Variants in PRIM1 observed in about 807,000 individuals in gnomAD.
PRIM1 encodes DNA primase small subunit.
A neutral mutation model predicts 60.2 loss-of-function variants in PRIM1; 38 were observed. The ratio of observed to expected loss-of-function variants is 0.63; its 90% CI spans 0.49 to 0.83. The LOEUF (loss-of-function observed/expected upper bound fraction) is 0.83. PRIM1 is among the 40% of genes least tolerant of loss of function. The pLI, the probability that PRIM1 is intolerant of heterozygous loss-of-function variation, is 0.00. For synonymous variants in PRIM1, 158 were observed against 160.2 expected (o/e 0.99, Z 0.10); for missense variants, 388 against 506.2 (o/e 0.77, Z 2.24).
chr12:56,743,300 C>A (rs1420808335), intron 6 of PRIM1, among the ~76,000 whole-genome samples: 1 of 152,132 alleles, frequency 6.6e-6, no homozygotes, highest in Non-Finnish European at 1.5e-5. Context: ...GACATAGAAC[C>A]TGGCACAGAA....
At position 56,744,137 on chromosome 12, in the gene PRIM1, C is replaced by A. The variant is rs1378032343; in HGVS notation, c.580-14G>T. ...GTCTTGACCACCCTGAAAAATAAAT[C>A]ATTAAAAAAGAACTTCAGGTATACA... On this transcript the variant is annotated splice_polypyrimidine_tract_variant and intron_variant, in intron 5 of 12. Transcript: ENST00000338193. 1.3e-6 allele frequency: 2 copies of A among 1,531,532 alleles called. No individual in the cohort carries two copies. Among genetic ancestry groups the A allele is most frequent in the South Asian group, 1.2e-5 (1 of 83,806 alleles). The allele number at this position is 1,531,532 out of a possible 1,614,324, so 94.9% of individuals were successfully genotyped here.
chr12:56,742,510 A>G (rs1429732135), intron 7 of PRIM1, among the ~76,000 whole-genome samples: 1 of 151,944 alleles, frequency 6.6e-6, no homozygotes, highest in Non-Finnish European at 1.5e-5. Context: ...CGGAGGTTGC[A>G]GTAAGCCAAG....
At chr12:56,747,211 T>C (rs181875793) in intron 2 of PRIM1, among the ~76,000 whole-genome samples, 179 bp from the exon 3 acceptor site, 1 of 152,326 alleles carries the variant, frequency 6.6e-6, no homozygotes, top group East Asian at 1.9e-4. Context: ...ATGAGAGTCT[T>C]AACTTTCACC....
intron 9 of PRIM1, among the ~76,000 whole-genome samples, chr12:56,740,697 C>T (rs1014616247): frequency 5.3e-5 from 8 of 152,214 alleles, no homozygotes; most frequent in Admixed American, 6.5e-5. Context: ...TTGAGCCGAT[C>T]GGTGAGCCGA....
chr12:56,745,463 A>G (rs1272679314), intron 5 of PRIM1, among the ~76,000 whole-genome samples: 1 of 151,810 alleles, frequency 6.6e-6, no homozygotes, highest in East Asian at 1.9e-4. Flanking sequence ...CAAAACCAAA[A>G]CCAAACTTTA....
intron 12 of PRIM1, 127 bp downstream of exon 12, chr12:56,734,020 A>T (rs1953804240): frequency 1.6e-6 from 1 of 616,574 alleles, no homozygotes; most frequent in Non-Finnish European, 2.8e-6. Flanking sequence ...TTTCCAAAAC[A>T]TTAAGGATAG....
chr12:56,742,426 G>A lies in PRIM1; in HGVS notation c.748+561C>T, dbSNP rs1953879114. ...CTCTATAAAAACACAAAAATTAGCT[G>A]GGCGTGGTGGCGTGTGCCTGCAGTC... On this transcript the variant is annotated intron_variant, in intron 7 of 12. Transcript: ENST00000338193. Among the ~76,000 whole-genome samples, 3 of 152,168 alleles carry A rather than the reference G, an allele frequency of 2.0e-5. No homozygotes were observed. The South Asian group carries it at 6.2e-4, about 32-fold the overall frequency.
intron 7 of PRIM1, 110 bp from the exon 8 acceptor site, chr12:56,741,947 A>G (rs1040419140): frequency 5.7e-6 from 6 of 1,060,238 alleles, no homozygotes; most frequent in Admixed American, 3.7e-5. Context: ...AGTAGTTATT[A>G]ACATTTCTTG....
At position 56,733,454 on chromosome 12, in the gene PRIM1, C is replaced by A. The variant is rs145002377; in HGVS notation, c.1243+693G>T. 2.7e-5 allele frequency among the ~76,000 whole-genome samples: 4 copies of A among 148,152 alleles called. No individual in the cohort carries two copies. In the East Asian group the frequency reaches 5.9e-4, roughly 22 times the overall value. On this transcript the variant is annotated intron_variant, in intron 12 of 12. Coordinates refer to ENST00000338193, the MANE Select transcript of PRIM1 (RefSeq NM_000946.3). ...GATTACAGGTGTGAGCCACTGCACC[C>A]GGCTAGGGATTAGAATTCTTACAGC...
At chr12:56,743,236 A>C (rs1953884453) in intron 6 of PRIM1, 140 bp from the exon 7 acceptor site, 1 of 1,004,462 alleles carries the variant, frequency 1.0e-6, no homozygotes, top group African/African-American at 1.7e-5. Flanking sequence ...TGGGAATACT[A>C]CCCTGTGCAG....
intron 2 of PRIM1, among the ~76,000 whole-genome samples, chr12:56,747,858 A>G (rs978783572): frequency 1.3e-5 from 2 of 152,156 alleles, no homozygotes; most frequent in African/African-American, 4.8e-5. Context: ...CAGTAAGGAA[A>G]GATAAGAGGC....
At chr12:56,735,107 G>C (rs924247647) in intron 11 of PRIM1, among the ~76,000 whole-genome samples, 1 of 151,036 alleles carries the variant, frequency 6.6e-6, no homozygotes, top group African/African-American at 2.4e-5. Flanking sequence ...CACCGCGCCC[G>C]GTCCATGCCT....
intron 11 of PRIM1, among the ~76,000 whole-genome samples, chr12:56,737,901 A>G (rs956848536): frequency 3.3e-5 from 5 of 150,948 alleles, no homozygotes; most frequent in African/African-American, 1.2e-4. Flanking sequence ...ATTTTTGTAT[A>G]TTTAGCAGAG....
chr12:56,749,272 G>T (rs375031696), intron 2 of PRIM1, among the ~76,000 whole-genome samples: 13 of 152,310 alleles, frequency 8.5e-5, no homozygotes, highest in African/African-American at 3.1e-4. Context: ...GCCTCTCAAA[G>T]TGCTAGAGTT....
At chr12:56,749,956 CAGTGGCAGGGGGTGGGAGG>C (rs1415864766) in intron 2 of PRIM1, among the ~76,000 whole-genome samples, 15 of 152,004 alleles carry the variant, frequency 9.9e-5, no homozygotes, top group Non-Finnish European at 2.1e-4. Context: ...TAGAATATAC[CAGTGGCAGGGGGTGGGAGG>C]AGTGGCAGGT....
At chr12:56,745,402 C>T (rs762980593) in intron 5 of PRIM1, among the ~76,000 whole-genome samples, 1 of 151,172 alleles carries the variant, frequency 6.6e-6, no homozygotes, top group Admixed American at 6.6e-5. Flanking sequence ...CAGGGTGAGA[C>T]CGTGTCTCAA....
intron 9 of PRIM1, 134 bp from the exon 10 acceptor site, chr12:56,739,497 A>G (rs919898006): frequency 2.0e-6 from 1 of 508,270 alleles, no homozygotes; most frequent in Non-Finnish European, 3.3e-6. Context: ...TAAGAAGAGT[A>G]TTTAGAAATA....
chr12:56,750,700 C>T (rs1406406764), intron 2 of PRIM1, among the ~76,000 whole-genome samples: 2 of 151,956 alleles, frequency 1.3e-5, no homozygotes, highest in African/African-American at 2.4e-5. Context: ...AGCGATTCTC[C>T]TGCCTCAGCC....
chr12:56,744,833 T>G (rs1193293730), intron 5 of PRIM1, among the ~76,000 whole-genome samples: 1 of 152,136 alleles, frequency 6.6e-6, no homozygotes, highest in Non-Finnish European at 1.5e-5. Flanking sequence ...GGCTCACACT[T>G]GTAATCCCAG....
Sources: gnomAD v4.1 joint callset for allele counts (sites outside exome capture counted in the v4.1 genomes callset) on GRCh38, gnomAD v4.1.1 for gene constraint, MANE v1.5 for transcripts, NCBI Gene and HGNC (gene_info 2026-07-23, HGNC 2026-07-21) for gene names.